Variants in CASP4 observed in about 807,000 individuals in gnomAD.
CASP4 encodes caspase-4.
Under a neutral mutation model 41.3 loss-of-function variants are expected in CASP4, and 29 were observed. That is an observed-to-expected ratio of 0.70 (90% CI 0.52 to 0.96). The LOEUF (loss-of-function observed/expected upper bound fraction) is 0.96, where lower values mean the gene tolerates loss of function less well. Ranked by LOEUF, CASP4 falls within the 40% of genes least tolerant of loss-of-function variation. CASP4 has a pLI of 0.00. For synonymous variants in CASP4, 185 were observed against 158.4 expected (o/e 1.17, Z -1.26); for missense variants, 447 against 460.6 (o/e 0.97, Z 0.27).
At position 104,949,675 on chromosome 11, in the gene CASP4, A is replaced by G. The variant is rs533076821; in HGVS notation, c.649T>C (p.Cys217Arg). The change falls in exon 5 of 9, where the codon TGC (cysteine) becomes CGC (arginine). Residue 217 changes from cysteine to arginine, a missense_variant. Transcript: ENST00000444739. The stretch of plus-strand genomic sequence containing the variant: ...TTTTTCTCATCATGCACAGTTCCGC[A>G]GATTCCCTCCAGGATGCCATGAGAC... ...LMSHGILEGI[C>R]GTVHDEKKPD... The G allele has an allele frequency of 1.5e-5, 24 of 1,613,954 alleles. No individual in the cohort carries two copies. In the Middle Eastern group the frequency reaches 6.6e-4, roughly 44 times the overall value.
rs1297500023 is a variant in CASP4 at position 104,952,079 on chromosome 11, G to A, written c.263-74C>T. The A allele has an allele frequency of 4.6e-6, 4 of 867,642 alleles. No individual in the cohort carries two copies. In the East Asian group the frequency reaches 9.8e-5, roughly 21 times the overall value. The allele number at this position is 867,642 out of a possible 1,614,324, so 53.7% of individuals were successfully genotyped here. On this transcript the variant is annotated intron_variant, in intron 2 of 8. Transcript: ENST00000444739. ...AATTTATCACCTAAGAAGATCGAGA[G>A]AGAAGACGTCCTGGGAAGATTTCTT...
At chr11:104,956,545 C>G (rs1393052366) in intron 1 of CASP4, 1 of 462,942 alleles carries the variant, frequency 2.2e-6, no homozygotes, top group Non-Finnish European at 2.8e-6. Context: ...GAATTGAAAT[C>G]TAGGGGTTCA....
chr11:104,944,568 G>C, intron 8 of CASP4, 180 bp downstream of exon 8: 1 of 532,350 alleles, frequency 1.9e-6, no homozygotes, highest in Non-Finnish European at 3.4e-6. Context: ...ATTAATTGTA[G>C]AGTTGGAGGA....
intron 4 of CASP4, 79 bp from the exon 5 acceptor site, chr11:104,949,856 C>T (rs1860564896): frequency 7.4e-7 from 1 of 1,352,138 alleles, no homozygotes; most frequent in South Asian, 1.2e-5. Context: ...ATGAGCGAAA[C>T]AAGAAACATA....
At chr11:104,947,380 A>G (rs1240227808) in intron 6 of CASP4, 188 bp from the exon 7 acceptor site, 1 of 383,454 alleles carries the variant, frequency 2.6e-6, no homozygotes, top group Middle Eastern at 7.0e-4. Flanking sequence ...ACCTAGCAAA[A>G]GGTGATCAAA....
At position 104,949,570 on chromosome 11, in the gene CASP4, C is replaced by T. The variant is rs905135501; in HGVS notation, c.754G>A (p.Val252Ile). Reference protein sequence around the residue: ...NCLSLKDKPKVIIVQACRGAN... With the variant: ...NCLSLKDKPKIIIVQACRGAN... ...CCTCTGCAGGCCTGGACAATGATGACCTTGGGTTTGTCCTTCAGACTGAGG... is the reference window on the plus strand; with the variant it reads ...CCTCTGCAGGCCTGGACAATGATGATCTTGGGTTTGTCCTTCAGACTGAGG... Residue 252 changes from valine to isoleucine, a missense_variant, in exon 5 of 9, where the codon GTC becomes ATC. Coordinates refer to ENST00000444739, the MANE Select transcript of CASP4 (RefSeq NM_001225.4). The T allele has an allele frequency of 1.2e-6, 2 of 1,613,852 alleles. No individual in the cohort carries two copies. Among genetic ancestry groups the T allele is most frequent in the South Asian group, 1.1e-5 (1 of 91,082 alleles).
intron 1 of CASP4, among the ~76,000 whole-genome samples, chr11:104,960,583 C>A (rs567297830): frequency 3.9e-4 from 60 of 152,290 alleles, no homozygotes; most frequent in African/African-American, 1.4e-3. Flanking sequence ...GATTCTCCTG[C>A]CTCAGCCTTC....
chr11:104,965,473 AC>A (rs1243286096), intron 1 of CASP4, among the ~76,000 whole-genome samples: 21 of 152,196 alleles, frequency 1.4e-4, no homozygotes, highest in African/African-American at 5.1e-4. Flanking sequence ...CTATTAGAAA[AC>A]CCAAACAGAG....
intron 7 of CASP4, among the ~76,000 whole-genome samples, chr11:104,945,259 T>C (rs1232158331): frequency 6.6e-6 from 1 of 151,538 alleles, no homozygotes; most frequent in Non-Finnish European, 1.5e-5. Flanking sequence ...TTTCTTTTTT[T>C]TTTTTTTTTT....
rs775674701 is a variant in CASP4, at chr11:104,949,771, C to T, written c.553G>A (p.Glu185Lys). 2 of 1,613,580 alleles carry T rather than the reference C, an allele frequency of 1.2e-6. No homozygotes were observed. The highest frequency in any genetic ancestry group is 2.2e-5 in the South Asian group (2 of 91,070). The change falls in exon 5 of 9, where the codon GAG (glutamate) becomes AAG (lysine). Residue 185 changes from glutamate to lysine, a missense_variant. Coordinates refer to ENST00000444739, the MANE Select transcript of CASP4 (RefSeq NM_001225.4). Reference protein sequence around the residue: ...VEENLTARDMESALRAFATRP... With the variant: ...VEENLTARDMKSALRAFATRP... ...GTAGCAAATGCCCTCAGCGCTGACT[C>T]CATATCCTGTAAAAGAGCAATGTCT...
chr11:104,954,398 G>A (rs903958215), intron 2 of CASP4, among the ~76,000 whole-genome samples: 1 of 152,122 alleles, frequency 6.6e-6, no homozygotes, highest in African/African-American at 2.4e-5. Context: ...TTCACAGATG[G>A]TAAGACTAAT....
intron 8 of CASP4, chr11:104,944,159 G>T (rs1158154254): frequency 6.6e-6 from 1 of 152,290 alleles, no homozygotes; most frequent in Non-Finnish European, 1.5e-5. Flanking sequence ...CCAGAGCCTG[G>T]ATCAACACAA....
intron 7 of CASP4, among the ~76,000 whole-genome samples, chr11:104,945,606 C>T (rs1565363007): frequency 6.6e-6 from 1 of 152,076 alleles, no homozygotes; most frequent in Admixed American, 6.6e-5. Flanking sequence ...CATATCTCCA[C>T]CACCAAGCTG....
chr11:104,948,498 C>T, intron 6 of CASP4, 35 bp downstream of exon 6: 6 of 1,538,828 alleles, frequency 3.9e-6, no homozygotes, highest in Non-Finnish European at 5.3e-6. Flanking sequence ...GGCCTCAGGC[C>T]CACAAATCCC....
intron 1 of CASP4, among the ~76,000 whole-genome samples, chr11:104,956,275 A>C (rs1057017837): frequency 6.6e-6 from 1 of 152,102 alleles, no homozygotes; most frequent in Admixed American, 6.6e-5. Flanking sequence ...TCACCATTTA[A>C]ATAATAACTT....
intron 1 of CASP4, among the ~76,000 whole-genome samples, chr11:104,965,420 G>A (rs1042572153): frequency 2.6e-5 from 4 of 152,174 alleles, no homozygotes; most frequent in African/African-American, 4.8e-5. Context: ...CAGAGTGATC[G>A]ACAGCCTTTT....
At chr11:104,953,075 G>A (rs1342422868) in intron 2 of CASP4, among the ~76,000 whole-genome samples, 1 of 152,038 alleles carries the variant, frequency 6.6e-6, no homozygotes, top group Non-Finnish European at 1.5e-5. Flanking sequence ...AGTGTTTTCA[G>A]GTAAAATTAG....
In CASP4 at chr11:104,952,976, A is replaced by G. The variant is rs79521726; in HGVS notation, c.263-971T>C. ...GTCAGAGGGTATGTTTTCTAATCCA[A>G]AGTTTCCTGTTTCCACTTCACTTAC... On this transcript the variant is annotated intron_variant, in intron 2 of 8. Transcript: ENST00000444739. 3.6e-3 allele frequency among the ~76,000 whole-genome samples: 542 copies of G among 152,264 alleles called. 4 individuals are homozygous for G. Among genetic ancestry groups the G allele is most frequent in the African/African-American group, 0.012 (515 of 41,562 alleles).
chr11:104,943,167 T>A, intron 8 of CASP4, 194 bp from the exon 9 acceptor site: 1 of 335,226 alleles, frequency 3.0e-6, no homozygotes, highest in Non-Finnish European at 5.8e-6. Flanking sequence ...TTACTTCTTT[T>A]TTCTAAAGCA....
Sources: allele counts gnomAD v4.1 joint callset (sites outside exome capture counted in the v4.1 genomes callset), GRCh38; gene constraint gnomAD v4.1.1; transcripts MANE v1.5; gene names NCBI Gene and HGNC (gene_info 2026-07-23, HGNC 2026-07-21).